Variants in PRIM2 observed in about 807,000 individuals in gnomAD.
The protein encoded by PRIM2 is DNA primase large subunit.
In PRIM2, 39 loss-of-function variants were observed where a neutral mutation model predicts 67.3. The ratio of observed to expected loss-of-function variants is 0.58; its 90% CI spans 0.45 to 0.76. PRIM2 has a LOEUF of 0.76. Ranked by LOEUF, PRIM2 falls within the 30% of genes least tolerant of loss-of-function variation. The pLI is 0.00. For missense variants in PRIM2, 398 were observed against 598.7 expected (o/e 0.66, Z 3.50); for synonymous variants, 143 against 198.7 (o/e 0.72, Z 2.36).
intron 13 of PRIM2, among the ~76,000 whole-genome samples, chr6:57,633,323 T>A (rs1397605459): frequency 6.6e-6 from 1 of 152,194 alleles, no homozygotes; most frequent in Admixed American, 6.5e-5. Context: ...TAAGTACATA[T>A]GTGTATTTTT....
chr6:57,460,751 C>T (rs1772977843), intron 7 of PRIM2, among the ~76,000 whole-genome samples: 2 of 152,058 alleles, frequency 1.3e-5, no homozygotes, highest in South Asian at 4.1e-4. Flanking sequence ...GCTGTGTTTT[C>T]CTTGCTTTTG....
chr6:57,309,376 T>G, the PRIM2 span, among the ~76,000 whole-genome samples: 1 of 145,768 alleles, frequency 6.9e-6, no homozygotes, highest in Non-Finnish European at 1.5e-5. Flanking sequence ...CACCTATGAG[T>G]GAGAATATGC....
chr6:57,611,831 A>T (rs1776672323), intron 12 of PRIM2, among the ~76,000 whole-genome samples: 1 of 152,118 alleles, frequency 6.6e-6, no homozygotes, highest in Admixed American at 6.6e-5. Context: ...ACTGGAAGAA[A>T]ATATTTGCAA....
intron 10 of PRIM2, among the ~76,000 whole-genome samples, chr6:57,593,616 A>G (rs1436079436): frequency 3.3e-5 from 5 of 152,244 alleles, no homozygotes; most frequent in African/African-American, 1.2e-4. Flanking sequence ...TTCATACCCA[A>G]TGCTTAGAGG....
chr6:57,351,546 T>A (rs1055489204), intron 5 of PRIM2, among the ~76,000 whole-genome samples: 2 of 152,122 alleles, frequency 1.3e-5, no homozygotes, highest in African/African-American at 4.8e-5. Flanking sequence ...GGAAATAGCC[T>A]AAAGACTTGA....
the PRIM2 span, among the ~76,000 whole-genome samples, chr6:57,290,808 A>T: frequency 1.3e-5 from 2 of 152,226 alleles, no homozygotes; most frequent in Admixed American, 1.3e-4. Context: ...ACCAATGCGA[A>T]CAAAGACACA....
chr6:57,242,244 ACTTC>A, the PRIM2 span, among the ~76,000 whole-genome samples: 1 of 152,122 alleles, frequency 6.6e-6, no homozygotes, highest in African/African-American at 2.4e-5. Flanking sequence ...ATACCTAAAA[ACTTC>A]CTTCATGTTA....
At chr6:57,509,096 T>A (rs1774307051) in intron 8 of PRIM2, among the ~76,000 whole-genome samples, 1 of 151,742 alleles carries the variant, frequency 6.6e-6, no homozygotes. Context: ...TTTTCCTTTC[T>A]TTCTTCCTCC....
chr6:57,286,727 G>A, the PRIM2 span, among the ~76,000 whole-genome samples: 6 of 152,156 alleles, frequency 3.9e-5, no homozygotes, highest in African/African-American at 1.2e-4. Flanking sequence ...AACACCCAAA[G>A]CAATGGCAAC....
In PRIM2 at chr6:57,375,663, C is replaced by T. The variant is rs545089940; in HGVS notation, c.460-4238C>T. 1.5e-4 allele frequency among the ~76,000 whole-genome samples: 22 copies of T among 150,130 alleles called. No homozygotes were observed. In the South Asian group the frequency reaches 3.6e-3, roughly 24 times the overall value. On this transcript the variant is annotated intron_variant, in intron 5 of 13. Coordinates refer to ENST00000615550, the MANE Select transcript of PRIM2 (RefSeq NM_000947.5). ...AACTCCTGGGCTCAAGAGATCTTCC[C>T]GCCTCAGCCTTTTTTTTTTTTTTTT...
chr6:57,428,688 A>G (rs1435545107), intron 7 of PRIM2, among the ~76,000 whole-genome samples: 9 of 152,120 alleles, frequency 5.9e-5, no homozygotes, highest in Admixed American at 3.3e-4. Flanking sequence ...ATGGTTCTCT[A>G]GGCTTCCCTA....
chr6:57,298,222 A>C, the PRIM2 span, among the ~76,000 whole-genome samples: 3 of 151,974 alleles, frequency 2.0e-5, no homozygotes, highest in African/African-American at 4.8e-5. Context: ...TTAACCGGGC[A>C]TGGTGGCGGG....
intron 7 of PRIM2, among the ~76,000 whole-genome samples, chr6:57,500,739 A>G (rs1774114319): frequency 6.6e-6 from 1 of 152,196 alleles, no homozygotes; most frequent in African/African-American, 2.4e-5. Flanking sequence ...ATCTGGTCTG[A>G]GTTAGGTAAG....
chr6:57,578,684 T>G (rs1256570673), intron 10 of PRIM2, among the ~76,000 whole-genome samples: 28 of 137,254 alleles, frequency 2.0e-4, no homozygotes, highest in South Asian at 1.3e-3. Flanking sequence ...TTGTTTTTTT[T>G]TTTTTTTTTT....
chr6:57,459,939 G>A (rs1452004131), intron 7 of PRIM2, among the ~76,000 whole-genome samples: 1 of 152,172 alleles, frequency 6.6e-6, no homozygotes, highest in Non-Finnish European at 1.5e-5. Flanking sequence ...TAGGTGAAAA[G>A]GTACTGCCTG....
intron 5 of PRIM2, among the ~76,000 whole-genome samples, chr6:57,365,592 C>T (rs1769329614): frequency 6.6e-6 from 1 of 152,034 alleles, no homozygotes; most frequent in African/African-American, 2.4e-5. Flanking sequence ...TGTATTTCTT[C>T]AGTTTGAATA....
At chr6:57,497,033 A>T (rs1460830001) in intron 7 of PRIM2, among the ~76,000 whole-genome samples, 1 of 152,214 alleles carries the variant, frequency 6.6e-6, no homozygotes, top group Non-Finnish European at 1.5e-5. Context: ...GGCTAACTAT[A>T]CTAAGGAATA....
chr6:57,468,585 A>G (rs1773262048), intron 7 of PRIM2, among the ~76,000 whole-genome samples: 1 of 152,168 alleles, frequency 6.6e-6, no homozygotes, highest in South Asian at 2.1e-4. Flanking sequence ...TTAGCCTGAA[A>G]TTTTCTTTTT....
At chr6:57,560,192 C>A (rs1241436981) in intron 10 of PRIM2, among the ~76,000 whole-genome samples, 4 of 152,016 alleles carry the variant, frequency 2.6e-5, no homozygotes, top group Admixed American at 2.6e-4. Context: ...GTGTTCACAG[C>A]ATCTTCACCA....
Sources: gnomAD v4.1 joint callset for allele counts (sites outside exome capture counted in the v4.1 genomes callset) on GRCh38, gnomAD v4.1.1 for gene constraint, MANE v1.5 for transcripts, NCBI Gene and HGNC (gene_info 2026-07-23, HGNC 2026-07-21) for gene names.